The following ZNF429 variants were observed in gnomAD, a reference collection of about 807,000 sequenced individuals.
ZNF429 encodes the protein zinc finger protein 429.
In ZNF429, 53 loss-of-function variants were observed where a neutral mutation model predicts 56.8. The observed-to-expected ratio is 0.93, with a 90% CI of 0.75 to 1.17. ZNF429 has a LOEUF of 1.17. Among genes scored for constraint, ZNF429 ranks in the 50% most tolerant of loss-of-function variants. The probability of loss-of-function intolerance (pLI) is 0.00; values close to 1 mark genes in which losing one functional copy is unlikely to be tolerated. For synonymous variants in ZNF429, 278 were observed against 264.7 expected, an observed-to-expected ratio of 1.05 and a Z score of -0.49; for missense variants, 849 against 788.4, an observed-to-expected ratio of 1.08 and a Z score of -0.92.
In ZNF429 at chr19:21,529,528, A is replaced by G. The variant is rs553027248; in HGVS notation, c.4-130A>G. ...TTATTGAATAATTTCAGTCACTTGT[A>G]TAAGTCAGAAGCAGTTCTCTTTACT... On this transcript the variant is annotated intron_variant, in intron 1 of 3. Transcript: ENST00000358491. 1.1e-5 allele frequency: 13 copies of G among 1,218,962 alleles called. No homozygotes were observed. In the South Asian group the frequency reaches 1.8e-4, roughly 17 times the overall value. The allele number at this position is 1,218,962 out of a possible 1,614,324, so 75.5% of individuals were successfully genotyped here.
At chr19:21,517,707 T>C (rs950378917) in intron 1 of ZNF429, among the ~76,000 whole-genome samples, 1 of 152,078 alleles carries the variant, frequency 6.6e-6, no homozygotes, top group African/African-American at 2.4e-5. Context: ...ATTTTTTTTT[T>C]AGTTTGTGTG....
chr19:21,521,112 A>T (rs1408773963), intron 1 of ZNF429, among the ~76,000 whole-genome samples: 1 of 152,212 alleles, frequency 6.6e-6, no homozygotes, highest in Non-Finnish European at 1.5e-5. Context: ...CTCACTACAA[A>T]ATTGTTACAG....
intron 1 of ZNF429, among the ~76,000 whole-genome samples, chr19:21,516,140 C>G (rs1477706076): frequency 6.6e-6 from 1 of 152,086 alleles, no homozygotes; most frequent in Non-Finnish European, 1.5e-5. Context: ...GCAATCTTGG[C>G]TCACTGCAAC....
intron 1 of ZNF429, chr19:21,518,965 A>G (rs906063908): frequency 1.3e-5 from 2 of 152,218 alleles, no homozygotes; most frequent in African/African-American, 4.8e-5. Flanking sequence ...TTGCGTGGTC[A>G]ATTTTAGAGT....
Position 21,505,611 on chromosome 19 carries a change from G to A in ZNF429, c.-161G>A. The A allele has an allele frequency of 1.6e-6, 1 of 624,814 alleles. No individual in the cohort carries two copies. Among genetic ancestry groups the A allele is most frequent in the Non-Finnish European group, 2.7e-6 (1 of 376,844 alleles). The allele number at this position is 624,814 out of a possible 1,614,324, so 38.7% of individuals were successfully genotyped here. On this transcript the variant is annotated 5_prime_UTR_variant, in exon 1 of 4. Coordinates refer to ENST00000358491, the MANE Select transcript of ZNF429 (RefSeq NM_001001415.4). Reference sequence around the variant, plus strand: ...CAGCTGGAGCGACAGGACGGTTTCCGGAATATGGCGGGGCGTTTGGCTCTT... The same window carrying A: ...CAGCTGGAGCGACAGGACGGTTTCCAGAATATGGCGGGGCGTTTGGCTCTT...
In ZNF429 at chr19:21,538,127, AAAT is replaced by A; in HGVS notation, c.*50_*52del. ...AAAAATACAAAAAAAAAAAAAAAAA[AAAT>A]TAGCCAGGCGTGGTGGTGGGCACTT... On this transcript the variant is annotated 3_prime_UTR_variant, in exon 4 of 4. Coordinates refer to ENST00000358491, the MANE Select transcript of ZNF429 (RefSeq NM_001001415.4). 2 of 786,836 alleles carry A rather than the reference AAAT, an allele frequency of 2.5e-6. No homozygotes were observed. The highest frequency in any genetic ancestry group is 2.9e-5 in the East Asian group (1 of 34,482). 48.7% of individuals were successfully genotyped at this position (786,836 alleles called of 1,614,324 possible).
intron 3 of ZNF429, among the ~76,000 whole-genome samples, chr19:21,531,699 G>A: frequency 1.3e-5 from 2 of 151,924 alleles, no homozygotes; most frequent in Non-Finnish European, 2.9e-5. Context: ...TAGCTACTTG[G>A]GAGACTAAGG....
chr19:21,536,486 T>C lies in ZNF429; in HGVS notation c.433T>C (p.Tyr145His). ...QCLTLTQSKM[Y>H]HCDIYVKVFY... Reference sequence around the variant, plus strand: ...TTTGACACTTACCCAGAGCAAAATGTATCACTGTGATATATATGTAAAAGT... The same window carrying C: ...TTTGACACTTACCCAGAGCAAAATGCATCACTGTGATATATATGTAAAAGT... Residue 145 changes from tyrosine (Y) to histidine (H), a missense_variant, in exon 4 of 4, where the codon TAT becomes CAT. Transcript: ENST00000358491. 1 of 1,613,294 alleles carries C rather than the reference T, an allele frequency of 6.2e-7. No individual in the cohort carries two copies. Among genetic ancestry groups the C allele is most frequent in the Non-Finnish European group, 8.5e-7 (1 of 1,179,654 alleles).
At chr19:21,514,157 A>G (rs373684489) in intron 1 of ZNF429, among the ~76,000 whole-genome samples, 1 of 152,214 alleles carries the variant, frequency 6.6e-6, no homozygotes, top group Non-Finnish European at 1.5e-5. Context: ...TTTCACCTAC[A>G]TAGTACTCTC....
At chr19:21,510,466 A>G (rs1354691753) in intron 1 of ZNF429, among the ~76,000 whole-genome samples, 2 of 152,218 alleles carry the variant, frequency 1.3e-5, no homozygotes, top group African/African-American at 4.8e-5. Context: ...GAGTTCATAG[A>G]GTAAAGTGGA....
In ZNF429 at chr19:21,538,289, A is replaced by AAG. The variant is rs1294128206; in HGVS notation, c.*212_*213insGA. On this transcript the variant is annotated 3_prime_UTR_variant, in exon 4 of 4. Coordinates refer to ENST00000358491, the MANE Select transcript of ZNF429 (RefSeq NM_001001415.4). The stretch of plus-strand genomic sequence containing the variant: ...CCAGACTCCATCTCAAAAAAAAAAA[A>AAG]AAAAAAAAAAGAAAAGAAAATTCAT... Among the ~76,000 whole-genome samples, 2 of 144,816 alleles carry AAG rather than the reference A, an allele frequency of 1.4e-5. No individual in the cohort carries two copies. Among genetic ancestry groups the AAG allele is most frequent in the African/African-American group, 5.2e-5 (2 of 38,792 alleles).
At chr19:21,505,818 G>T in intron 1 of ZNF429, 44 bp downstream of exon 1, 1 of 1,604,982 alleles carries the variant, frequency 6.2e-7, no homozygotes. Context: ...GGGAGGGGCT[G>T]GTCGGAACCG....
rs144470661 is a variant in ZNF429 at position 21,528,471 on chromosome 19, G to A, written c.4-1187G>A. On this transcript the variant is annotated intron_variant, in intron 1 of 3. Coordinates refer to ENST00000358491, the MANE Select transcript of ZNF429 (RefSeq NM_001001415.4). Reference sequence around the variant, plus strand: ...TGTAATCTTAACACTTTGGGAGGCCGTGGTGGGTGGATAACTTGAGGTCAG... The same window carrying A: ...TGTAATCTTAACACTTTGGGAGGCCATGGTGGGTGGATAACTTGAGGTCAG... Among the ~76,000 whole-genome samples, 290 of 152,226 alleles carry A rather than the reference G, an allele frequency of 1.9e-3. 2 individuals carry two copies. The highest frequency in any genetic ancestry group is 6.5e-3 in the African/African-American group (269 of 41,536).
intron 1 of ZNF429, among the ~76,000 whole-genome samples, chr19:21,528,704 C>CA (rs998155041): frequency 3.4e-5 from 5 of 149,092 alleles, no homozygotes; most frequent in African/African-American, 1.2e-4. Context: ...GACTCCGTCT[C>CA]AAAAAAAAGA....
intron 3 of ZNF429, among the ~76,000 whole-genome samples, chr19:21,535,073 C>T: frequency 4.7e-5 from 7 of 150,320 alleles, no homozygotes; most frequent in South Asian, 2.1e-4. Flanking sequence ...GTGATCCGCC[C>T]GCCTCGGCCT....
chr19:21,511,785 C>T (rs1189417728), intron 1 of ZNF429, among the ~76,000 whole-genome samples: 1 of 152,136 alleles, frequency 6.6e-6, no homozygotes, highest in Non-Finnish European at 1.5e-5. Context: ...AGCCTGGGCA[C>T]CATTGAACAC....
At chr19:21,511,324 A>G (rs35468261) in intron 1 of ZNF429, among the ~76,000 whole-genome samples, 29,615 of 148,386 alleles carry the variant, frequency 0.2, 2,939 homozygotes, top group Middle Eastern at 0.23. Flanking sequence ...CCCAGATGGG[A>G]CGGCTGCCAG....
At chr19:21,533,161 G>C in intron 3 of ZNF429, among the ~76,000 whole-genome samples, 3 of 152,018 alleles carry the variant, frequency 2.0e-5, no homozygotes, top group African/African-American at 7.2e-5. Context: ...TGGATGTGAG[G>C]TGATTTTGGT....
intron 1 of ZNF429, among the ~76,000 whole-genome samples, chr19:21,515,551 A>AT (rs918671477): frequency 4.1e-4 from 61 of 150,254 alleles, no homozygotes; most frequent in Non-Finnish European, 5.5e-4. Flanking sequence ...GTTTACTCTG[A>AT]TTTTTTTTTG....
Sources: gnomAD v4.1 joint callset for allele counts (sites outside exome capture counted in the v4.1 genomes callset) on GRCh38, gnomAD v4.1.1 for gene constraint, MANE v1.5 for transcripts, NCBI Gene and HGNC (gene_info 2026-07-23, HGNC 2026-07-21) for gene names.